PHACTR2: variants seen among roughly 807,000 people sequenced by gnomAD.
PHACTR2 encodes the protein chromosome 6 open reading frame 56.
A neutral mutation model predicts 76.0 loss-of-function variants in PHACTR2; 30 were observed. That is an observed-to-expected ratio of 0.39 (90% CI 0.30 to 0.54). The LOEUF (loss-of-function observed/expected upper bound fraction) is 0.54, where lower values mean the gene tolerates loss of function less well. PHACTR2 is among the 20% of genes least tolerant of loss of function. The pLI is 0.61. For missense variants in PHACTR2, 696 were observed against 781.1 expected (o/e 0.89, Z 1.30); for synonymous variants, 292 against 292.5 (o/e 1.00, Z 0.02).
intron 1 of PHACTR2, among the ~76,000 whole-genome samples, chr6:143,544,946 G>T (rs972750619): frequency 6.8e-5 from 10 of 146,532 alleles, no homozygotes; most frequent in East Asian, 4.0e-4. Flanking sequence ...AGAGATTTTT[G>T]TTTTTTTTTT....
Position 143,596,323 on chromosome 6 carries a change from G to A in PHACTR2, c.217+59116G>A, listed in dbSNP as rs760829067. Among the ~76,000 whole-genome samples the A allele has an allele frequency of 2.0e-5, 3 of 151,820 alleles. No homozygotes were observed. The highest frequency in any genetic ancestry group is 4.4e-5 in the Non-Finnish European group (3 of 67,966). On this transcript the variant is annotated intron_variant, in intron 1 of 11. Coordinates refer to the PHACTR2 transcript ENST00000367584. The surrounding 1 kb of genome is among the most constrained non-coding windows in gnomAD (Gnocchi z 4.6). The stretch of plus-strand genomic sequence containing the variant: ...TTGGGAGCGGCTAACTAAGCGGGTC[G>A]TCCTTTCTCAGAAGGTTTATTTCTT...
rs2128446880 is a variant in PHACTR2 at position 143,654,539 on chromosome 6, T to TCA, written c.13+46221_13+46222dup. Among the ~76,000 whole-genome samples the TCA allele has an allele frequency of 6.6e-6, 1 of 152,324 alleles. No individual in the cohort carries two copies. Among genetic ancestry groups the TCA allele is most frequent in the South Asian group, 2.1e-4 (1 of 4,822 alleles). ...AAAAATAAAGGCTGGATACTGTGGC[T>TCA]CACACCTGTAATCTTGGCACTTTGG... On this transcript the variant is annotated intron_variant, in intron 1 of 11. Coordinates refer to the PHACTR2 transcript ENST00000305766. The surrounding 1 kb of genome is among the most constrained non-coding windows in gnomAD (Gnocchi z 4.6).
rs1776961326 is a variant in PHACTR2, at chr6:143,662,371, C to T, written c.14-49645C>T. On this transcript the variant is annotated intron_variant, in intron 1 of 11. Coordinates refer to the PHACTR2 transcript ENST00000305766. This position sits in a 1 kb window ranked among gnomAD's most constrained non-coding sequence, Gnocchi z 4.7. The stretch of plus-strand genomic sequence containing the variant: ...AAAGTAAAGAAGAGATGAAGTTAAG[C>T]CTGTTAAATATAAGAAACTACTTAT... Among the ~76,000 whole-genome samples, 1 of 152,038 alleles carries T rather than the reference C, an allele frequency of 6.6e-6. No homozygotes were observed. The highest frequency in any genetic ancestry group is 1.5e-5 in the Non-Finnish European group (1 of 68,020).
intron 1 of PHACTR2, among the ~76,000 whole-genome samples, chr6:143,573,640 TAAC>T (rs1222874085): frequency 6.6e-6 from 1 of 152,170 alleles, no homozygotes; most frequent in African/African-American, 2.4e-5. Context: ...TTTCTGTTGA[TAAC>T]AGATCTTTTT....
chr6:143,742,261 C>T lies in PHACTR2; in HGVS notation c.215-6724C>T, dbSNP rs148311698. On this transcript the variant is annotated intron_variant, in intron 2 of 12. Transcript: ENST00000440869. This position sits in a 1 kb window ranked among gnomAD's most constrained non-coding sequence, Gnocchi z 4.5. The stretch of plus-strand genomic sequence containing the variant: ...GAAAACCTTCAGGCGTGGTTGGATC[C>T]AGGTGCTTACAAGCTATCTCATTAA... 6.6e-6 allele frequency among the ~76,000 whole-genome samples: 1 copy of T among 152,242 alleles called. No homozygotes were observed. The highest frequency in any genetic ancestry group is 2.4e-5 in the African/African-American group (1 of 41,542).
rs1432347134 is a variant in PHACTR2 at position 143,598,587 on chromosome 6, C to T, written c.217+61380C>T. Among the ~76,000 whole-genome samples the T allele has an allele frequency of 6.6e-6, 1 of 152,138 alleles. No homozygotes were observed. The highest frequency in any genetic ancestry group is 1.5e-5 in the Non-Finnish European group (1 of 68,006). ...AGGAAAGTAAAAGCAGAAGTGTGGG[C>T]CAGGGAGGGATCGCAGTCATCTGAT... On this transcript the variant is annotated intron_variant, in intron 1 of 11. Coordinates refer to the PHACTR2 transcript ENST00000367584. This position sits in a 1 kb window ranked among gnomAD's most constrained non-coding sequence, Gnocchi z 4.1.
At position 143,812,396 on chromosome 6, in the gene PHACTR2, G is replaced by A. The variant is rs114831623; in HGVS notation, c.1922+5263G>A. Among the ~76,000 whole-genome samples, 1,009 of 152,308 alleles carry A rather than the reference G, an allele frequency of 6.6e-3. 11 individuals carry two copies. The highest frequency in any genetic ancestry group is 0.023 in the African/African-American group (958 of 41,556). On this transcript the variant is annotated intron_variant, in intron 12 of 12. Transcript: ENST00000440869. ...TTCTGTAAATGAAGATTACGTCGTG[G>A]TGGCTTTTCTTGACTAATGTGTTGG...
At chr6:143,728,842 G>A (rs948743015) in intron 2 of PHACTR2, among the ~76,000 whole-genome samples, 3 of 151,916 alleles carry the variant, frequency 2.0e-5, no homozygotes, top group African/African-American at 7.3e-5. Context: ...AACGCAAAAT[G>A]GATTAAAGAC....
rs1775794146 is a variant in PHACTR2 at position 143,599,731 on chromosome 6, C to T, written c.217+62524C>T. Among the ~76,000 whole-genome samples, 1 of 152,142 alleles carries T rather than the reference C, an allele frequency of 6.6e-6. No individual in the cohort carries two copies. The highest frequency in any genetic ancestry group is 2.1e-4 in the South Asian group (1 of 4,826). On this transcript the variant is annotated intron_variant, in intron 1 of 11. Transcript: ENST00000367584. This position sits in a 1 kb window ranked among gnomAD's most constrained non-coding sequence, Gnocchi z 4.6. Reference sequence around the variant, plus strand: ...CATTAAGATCCAACCTATACCTTTCCCCCTTTCTATGCTGTATTAAGACAT... The same window carrying T: ...CATTAAGATCCAACCTATACCTTTCTCCCTTTCTATGCTGTATTAAGACAT...
chr6:143,574,608 T>A (rs1414507559), intron 1 of PHACTR2, among the ~76,000 whole-genome samples: 1 of 152,186 alleles, frequency 6.6e-6, no homozygotes, highest in African/African-American at 2.4e-5. Context: ...TTATTTAGGT[T>A]GAATCGTTTT....
In PHACTR2 at chr6:143,743,414, G is replaced by T. The variant is rs926780569; in HGVS notation, c.215-5571G>T. On this transcript the variant is annotated intron_variant, in intron 2 of 12. Coordinates refer to ENST00000440869, the MANE Select transcript of PHACTR2 (RefSeq NM_001100164.2). This position sits in a 1 kb window ranked among gnomAD's most constrained non-coding sequence, Gnocchi z 5.0. Reference sequence around the variant, plus strand: ...CAGACTGTAGAATTCTTTAGTAGGGGAGTGGCTGGAGCAGATAAACAAAAA... The same window carrying T: ...CAGACTGTAGAATTCTTTAGTAGGGTAGTGGCTGGAGCAGATAAACAAAAA... Among the ~76,000 whole-genome samples, 5 of 152,220 alleles carry T rather than the reference G, an allele frequency of 3.3e-5. No individual in the cohort carries two copies. Among genetic ancestry groups the T allele is most frequent in the African/African-American group, 1.2e-4 (5 of 41,450 alleles).
At chr6:143,572,088 T>C (rs908337684) in intron 1 of PHACTR2, among the ~76,000 whole-genome samples, 3 of 152,378 alleles carry the variant, frequency 2.0e-5, no homozygotes, top group Non-Finnish European at 4.4e-5. Flanking sequence ...TTACTCTTTC[T>C]TGCTTCTATA....
rs1349972237 is a variant in PHACTR2 at position 143,757,223 on chromosome 6, G to T, written c.455-3178G>T. Among the ~76,000 whole-genome samples the T allele has an allele frequency of 6.6e-6, 1 of 152,162 alleles. No homozygotes were observed. The highest frequency in any genetic ancestry group is 6.5e-5 in the Admixed American group (1 of 15,284). Reference sequence around the variant, plus strand: ...ATAGGTGAGACTCTACTAGGGGCCAGGAAAAGAGTAGTAAATGAAAAATGG... The same window carrying T: ...ATAGGTGAGACTCTACTAGGGGCCATGAAAAGAGTAGTAAATGAAAAATGG... On this transcript the variant is annotated intron_variant, in intron 4 of 12. Transcript: ENST00000440869. This position sits in a 1 kb window ranked among gnomAD's most constrained non-coding sequence, Gnocchi z 4.2.
rs182336417 is a variant in PHACTR2, at chr6:143,672,795, G to A, written c.14-39221G>A. 3.9e-3 allele frequency among the ~76,000 whole-genome samples: 595 copies of A among 152,174 alleles called. 5 individuals carry two copies. Among genetic ancestry groups the A allele is most frequent in the Non-Finnish European group, 6.1e-3 (418 of 67,976 alleles). On this transcript the variant is annotated intron_variant, in intron 1 of 11. Transcript: ENST00000305766. The surrounding 1 kb of genome is among the most constrained non-coding windows in gnomAD (Gnocchi z 5.8). ...GCTGGAATGCAATGGCTCAACCTCAGCTCATTGCAACCTCCGCCTCCCAGG... is the reference window on the plus strand; with the variant it reads ...GCTGGAATGCAATGGCTCAACCTCAACTCATTGCAACCTCCGCCTCCCAGG...
chr6:143,600,158 T>A (rs1775797443), intron 1 of PHACTR2, among the ~76,000 whole-genome samples: 1 of 152,214 alleles, frequency 6.6e-6, no homozygotes, highest in Non-Finnish European at 1.5e-5. Flanking sequence ...ACTTGCTATG[T>A]TATTAGGATG....
At chr6:143,725,925 A>G (rs569722437) in intron 2 of PHACTR2, among the ~76,000 whole-genome samples, 1 of 152,266 alleles carries the variant, frequency 6.6e-6, no homozygotes, top group East Asian at 1.9e-4. Context: ...AGCTTCCTCC[A>G]GGTTGTTGCA....
chr6:143,710,121 G>T lies in PHACTR2; in HGVS notation c.47-1895G>T, dbSNP rs1778142124. Reference sequence around the variant, plus strand: ...TACTCTGCCCCTTTCCTGGTTATGTGGCTAGAGAGTGCAGACGTTTGTGGT... The same window carrying T: ...TACTCTGCCCCTTTCCTGGTTATGTTGCTAGAGAGTGCAGACGTTTGTGGT... On this transcript the variant is annotated intron_variant, in intron 1 of 12. Coordinates refer to ENST00000440869, the MANE Select transcript of PHACTR2 (RefSeq NM_001100164.2). The surrounding 1 kb of genome is among the most constrained non-coding windows in gnomAD (Gnocchi z 4.9). Among the ~76,000 whole-genome samples the T allele has an allele frequency of 6.6e-6, 1 of 152,144 alleles. No homozygotes were observed. The highest frequency in any genetic ancestry group is 6.5e-5 in the Admixed American group (1 of 15,274).
Position 143,783,182 on chromosome 6 carries a change from G to C in PHACTR2, c.1646-37G>C. On this transcript the variant is annotated intron_variant, in intron 9 of 12. Transcript: ENST00000440869. The surrounding 1 kb of genome is among the most constrained non-coding windows in gnomAD (Gnocchi z 5.2). ...TTTTCTGAATATGAAATCATCTATA[G>C]TAACTGTCATCACGACTTTCCTCCT... is the stretch of plus-strand genomic sequence containing the variant. 1 of 1,318,692 alleles carries C rather than the reference G, an allele frequency of 7.6e-7. No individual in the cohort carries two copies. Among genetic ancestry groups the C allele is most frequent in the Non-Finnish European group, 1.1e-6 (1 of 914,930 alleles). The allele number at this position is 1,318,692 out of a possible 1,614,324, so 81.7% of individuals were successfully genotyped here. A position where few individuals can be genotyped will look rare whatever the true frequency, so the allele number is the denominator to read the frequency against.
At chr6:143,644,662 G>T (rs1776626229) in intron 1 of PHACTR2, among the ~76,000 whole-genome samples, 1 of 150,622 alleles carries the variant, frequency 6.6e-6, no homozygotes, top group South Asian at 2.1e-4. Flanking sequence ...ATAATCAATG[G>T]TTTCTTACAA....
Sources: allele counts gnomAD v4.1 joint callset (sites outside exome capture counted in the v4.1 genomes callset), GRCh38; gene constraint gnomAD v4.1.1; non-coding constraint Gnocchi (gnomAD v3.1); transcripts MANE v1.5; gene names NCBI Gene and HGNC (gene_info 2026-07-23, HGNC 2026-07-21).